FCGR1A: variants seen among roughly 807,000 people sequenced by gnomAD.
The protein encoded by FCGR1A is high affinity immunoglobulin gamma Fc receptor I.
FCGR1A carries 13 observed loss-of-function variants against 35.0 expected under a neutral mutation model. That is an observed-to-expected ratio of 0.37 (90% CI 0.24 to 0.59). The LOEUF (loss-of-function observed/expected upper bound fraction) is 0.59, where lower values mean the gene tolerates loss of function less well. FCGR1A is among the 20% of genes least tolerant of loss of function. FCGR1A has a pLI of 0.71. For missense variants in FCGR1A, 227 were observed against 430.0 expected (o/e 0.53, Z 4.17); for synonymous variants, 91 against 164.7 (o/e 0.55, Z 3.43).
At chr1:149,785,903 A>G (rs1303447675) in intron 3 of FCGR1A, 1 of 151,966 alleles carries the variant, frequency 6.6e-6, no homozygotes, top group African/African-American at 2.4e-5. Context: ...ATGGGACAGG[A>G]TGTACTCTTT....
chr1:149,790,265 A>T lies in FCGR1A; in HGVS notation c.771A>T (p.Leu257Phe). 2 of 1,598,086 alleles carry T rather than the reference A, an allele frequency of 1.3e-6. No individual in the cohort carries two copies. The highest frequency in any genetic ancestry group is 1.7e-6 in the Non-Finnish European group (2 of 1,172,224). ...CTGCTAGAAGAGAAGACTCTGGGTT[A>T]TACTGGTGCGAGGCTGCCACAGAGG... Reference protein sequence around the residue: ...ILTARREDSGLYWCEAATEDG... With the variant: ...ILTARREDSGFYWCEAATEDG... Residue 257 changes from leucine (L) to phenylalanine (F), a missense_variant, in exon 5 of 6, where the codon TTA (leucine) becomes TTT (phenylalanine). By Grantham distance (22) the Leu-to-Phe change is conservative (BLOSUM62 0). Transcript: ENST00000369168.
At position 149,788,473 on chromosome 1, in the gene FCGR1A, C is replaced by T. The variant is rs370037400; in HGVS notation, c.415C>T (p.Arg139Ter). The change falls in exon 4 of 6, where the codon CGA becomes TGA. Residue 139 changes from arginine to a stop codon, truncating the protein, a stop_gained. Transcript: ENST00000369168. LOFTEE classifies it high-confidence loss of function. ...GCTGGTGTACAATGTGCTTTACTAT[C>T]GAAATGGCAAAGCCTTTAAGTTTTT... Reference protein sequence around the residue: ...DKLVYNVLYYRNGKAFKFFHW... With the variant: ...DKLVYNVLYY The T allele has an allele frequency of 1.9e-5, 30 of 1,613,648 alleles. No homozygotes were observed. In the African/African-American group the frequency reaches 1.9e-4, roughly 10 times the overall value.
chr1:149,788,691 C>T, intron 4 of FCGR1A, 74 bp downstream of exon 4: 1 of 1,543,618 alleles, frequency 6.5e-7, no homozygotes, highest in South Asian at 1.2e-5. Context: ...CTAAACTCCT[C>T]ACTTTAATTT....
chr1:149,792,297 C>T (rs1181931488), downstream of FCGR1A: 64 of 235,618 alleles, frequency 2.7e-4, 1 homozygote, highest in African/African-American at 1.5e-3. Flanking sequence ...TGGGGAGAAG[C>T]GGCGATACCA....
At chr1:149,792,583 C>G (rs1553752123), downstream of FCGR1A, 1 of 1,195,838 alleles carries the variant, frequency 8.4e-7, no homozygotes, top group Non-Finnish European at 1.1e-6. Flanking sequence ...CGTCGCGCTC[C>G]GAGCGTGTCC....
downstream of FCGR1A, among the ~76,000 whole-genome samples, chr1:149,794,295 C>A (rs1362452262): frequency 6.6e-6 from 1 of 151,520 alleles, no homozygotes; most frequent in African/African-American, 2.4e-5. Context: ...GATTTTGGGT[C>A]AAAGCAATAA....
Position 149,788,738 on chromosome 1 carries a change from C to T in FCGR1A, c.559+121C>T, listed in dbSNP as rs879992172. The T allele has an allele frequency of 5.3e-5, 63 of 1,194,496 alleles. 1 individual carries two copies. In the South Asian group the frequency reaches 8.4e-4, roughly 16 times the overall value. The allele number at this position is 1,194,496 out of a possible 1,614,324, so 74.0% of individuals were successfully genotyped here. A position where few individuals can be genotyped will look rare whatever the true frequency, so the allele number is the denominator to read the frequency against. On this transcript the variant is annotated intron_variant, in intron 4 of 5. Coordinates refer to ENST00000369168, the MANE Select transcript of FCGR1A (RefSeq NM_000566.4). ...AACCGGGCTCCAGAGAGGTAAACTG[C>T]ATTACTAAAGGCCACACCATGACCA...
chr1:149,796,236 G>T (rs1307410186), downstream of FCGR1A, among the ~76,000 whole-genome samples: 1 of 152,160 alleles, frequency 6.6e-6, no homozygotes, highest in Non-Finnish European at 1.5e-5. Flanking sequence ...ATTAAAAAAA[G>T]AATAAATTGT....
At chr1:149,799,411 A>C in the FCGR1A span, among the ~76,000 whole-genome samples, 1,591 of 152,262 alleles carry the variant, frequency 0.01, 14 homozygotes, top group African/African-American at 0.02. Context: ...CCTTCTCATC[A>C]TGTATGCTCA....
At chr1:149,797,521 G>GTA in the FCGR1A span, among the ~76,000 whole-genome samples, 5 of 152,270 alleles carry the variant, frequency 3.3e-5, no homozygotes, top group African/African-American at 1.2e-4. Flanking sequence ...GAATAGGAAG[G>GTA]TATGATCTGT....
chr1:149,793,108 C>G (rs1164853082), downstream of FCGR1A: 2 of 1,274,016 alleles, frequency 1.6e-6, no homozygotes, highest in East Asian at 1.3e-4. Flanking sequence ...CCCGGGGATG[C>G]TGCCGGCCTC....
downstream of FCGR1A, chr1:149,793,128 C>G (rs1276493785): frequency 7.8e-7 from 1 of 1,274,340 alleles, no homozygotes; most frequent in Non-Finnish European, 1.0e-6. Context: ...CAGGTGCGCC[C>G]GGCCGAGCCT....
chr1:149,791,652 T>C lies in FCGR1A; in HGVS notation c.*135T>C. The C allele has an allele frequency of 6.9e-7, 1 of 1,454,056 alleles. No individual in the cohort carries two copies. The highest frequency in any genetic ancestry group is 9.1e-7 in the Non-Finnish European group (1 of 1,095,098). 90.1% of individuals were successfully genotyped at this position (1,454,056 alleles called of 1,614,324 possible). On this transcript the variant is annotated 3_prime_UTR_variant, in exon 6 of 6. Transcript: ENST00000369168. ...CATGGTATGTAACTCTTAAAGCAAATAAATGAACTGACTTCAACTGGGATA... is the reference window on the plus strand; with the variant it reads ...CATGGTATGTAACTCTTAAAGCAAACAAATGAACTGACTTCAACTGGGATA...
At chr1:149,792,967 T>C (rs2091749107), downstream of FCGR1A, 6 of 1,274,880 alleles carry the variant, frequency 4.7e-6, no homozygotes, top group Non-Finnish European at 6.1e-6. Context: ...AGTTCGGTAG[T>C]CTGCGAGGGC....
At chr1:149,800,284 C>G in the FCGR1A span, among the ~76,000 whole-genome samples, 1 of 152,222 alleles carries the variant, frequency 6.6e-6, no homozygotes, top group East Asian at 1.9e-4. Context: ...TATCCAGAAG[C>G]TCTCCAAGCC....
At position 149,785,423 on chromosome 1, in the gene FCGR1A, T is replaced by G. The variant is rs1240288353; in HGVS notation, c.307+1166T>G. 7.3e-5 allele frequency among the ~76,000 whole-genome samples: 10 copies of G among 136,648 alleles called. 1 individual carries two copies. Among genetic ancestry groups the G allele is most frequent in the Non-Finnish European group, 1.5e-4 (9 of 61,980 alleles). 89.6% of individuals were successfully genotyped at this position (136,648 alleles called of 152,430 possible). A position where few individuals can be genotyped will look rare whatever the true frequency, so the allele number is the denominator to read the frequency against. On this transcript the variant is annotated intron_variant, in intron 3 of 5. Coordinates refer to ENST00000369168, the MANE Select transcript of FCGR1A (RefSeq NM_000566.4). ...GAGCTGTTTCGTTTTTTTTTTTTTT[T>G]TTTTTTTTTTTGAGACAGAGTCTCA...
chr1:149,790,364 T>C lies in FCGR1A; in HGVS notation c.844+26T>C, dbSNP rs1553751637. 1.9e-6 allele frequency: 3 copies of C among 1,574,172 alleles called. No individual in the cohort carries two copies. The East Asian group carries it at 6.8e-5, about 36-fold the overall frequency. ...GTGAGTGAGAATGACGGGAAGCCAC[T>C]GGCACAGAAGAAGGGACTCCCTTAT... On this transcript the variant is annotated intron_variant, in intron 5 of 5. Transcript: ENST00000369168.
chr1:149,800,274 T>C, the FCGR1A span, among the ~76,000 whole-genome samples: 3 of 152,254 alleles, frequency 2.0e-5, no homozygotes, highest in Non-Finnish European at 1.5e-5. Flanking sequence ...CATGTTCAGC[T>C]ATCCAGAAGC....
In FCGR1A at chr1:149,784,097, T is replaced by C. The variant is rs782072609; in HGVS notation, c.147T>C (p.Pro49=). The change falls in exon 3 of 6, where the codon CCT becomes CCC. Residue 49 remains proline, a synonymous_variant. Transcript: ENST00000369168. ...VTLHCEVLHL[P]GSSSTQWFLN... is the part of the protein sequence containing the mutation. ...TGCACTGTGAGGTGCTCCATCTGCCTGGGAGCAGCTCTACACAGTGGTTTC... is the reference window on the plus strand; with the variant it reads ...TGCACTGTGAGGTGCTCCATCTGCCCGGGAGCAGCTCTACACAGTGGTTTC... The C allele has an allele frequency of 6.2e-7, 1 of 1,611,546 alleles. No homozygotes were observed. The highest frequency in any genetic ancestry group is 8.5e-7 in the Non-Finnish European group (1 of 1,179,808).
Sources: gnomAD v4.1 joint callset for allele counts (sites outside exome capture counted in the v4.1 genomes callset) on GRCh38, gnomAD v4.1.1 for gene constraint, MANE v1.5 for transcripts, NCBI Gene and HGNC (gene_info 2026-07-23, HGNC 2026-07-21) for gene names.